DPP6: variants seen among roughly 807,000 people sequenced by gnomAD.
DPP6 encodes the protein A-type potassium channel modulatory protein DPP6.
A neutral mutation model predicts 122.6 loss-of-function variants in DPP6; 69 were observed. The ratio of observed to expected loss-of-function variants is 0.56; its 90% CI spans 0.46 to 0.69. The LOEUF is 0.69. DPP6 is among the 30% of genes least tolerant of loss of function. The pLI is 0.00. For missense variants in DPP6, 928 were observed against 1,116.9 expected (o/e 0.83, Z 2.41); for synonymous variants, 418 against 433.1 (o/e 0.97, Z 0.43).
intron 1 of DPP6, among the ~76,000 whole-genome samples, chr7:153,904,781 C>A (rs1480362751): frequency 6.6e-6 from 1 of 152,222 alleles, no homozygotes; most frequent in Non-Finnish European, 1.5e-5. Context: ...TCTGCAAAAA[C>A]ATTGTAAGGG....
At chr7:153,874,041 C>A in the DPP6 span, among the ~76,000 whole-genome samples, 3 of 152,296 alleles carry the variant, frequency 2.0e-5, no homozygotes, top group East Asian at 3.9e-4. Context: ...AAGATGTTAA[C>A]CCTTGTCTAA....
chr7:153,964,806 C>T (rs1442259520), intron 1 of DPP6, among the ~76,000 whole-genome samples: 183 of 49,004 alleles, frequency 3.7e-3, no homozygotes, highest in African/African-American at 0.025. Context: ...CCTTTCCTTT[C>T]CTTTCCTTTC....
intron 1 of DPP6, 80 bp downstream of exon 1, chr7:154,053,143 T>G (rs1041632331): frequency 1.1e-6 from 1 of 869,896 alleles, no homozygotes; most frequent in Non-Finnish European, 1.4e-6. Context: ...CAGGGGAAAT[T>G]TTTTTTGGGG....
chr7:154,434,437 G>A lies in DPP6; in HGVS notation c.244-11777G>A, dbSNP rs569097150. ...GTCCAGACTGCTGGACTCTTCAGCC[G>A]CCGCTTCACCCTTCCCTCTCTGCTT... On this transcript the variant is annotated intron_variant, in intron 1 of 25. Transcript: ENST00000377770. Among the ~76,000 whole-genome samples, 12 of 152,132 alleles carry A rather than the reference G, an allele frequency of 7.9e-5. No homozygotes were observed. In the East Asian group the frequency reaches 1.9e-3, roughly 25 times the overall value.
intron 10 of DPP6, among the ~76,000 whole-genome samples, 183 bp downstream of exon 10, chr7:154,773,125 A>G (rs919352583): frequency 2.0e-5 from 3 of 152,228 alleles, no homozygotes; most frequent in South Asian, 2.1e-4. Context: ...AATACCATTC[A>G]CCAAGTACTA....
At chr7:154,599,572 A>G (rs1833304476) in intron 5 of DPP6, among the ~76,000 whole-genome samples, 1 of 151,914 alleles carries the variant, frequency 6.6e-6, no homozygotes, top group Non-Finnish European at 1.5e-5. Context: ...CAGGTTTGTT[A>G]CATATGTATA....
At chr7:154,247,932 A>G (rs187430788) in intron 1 of DPP6, among the ~76,000 whole-genome samples, 5 of 152,204 alleles carry the variant, frequency 3.3e-5, no homozygotes, top group Non-Finnish European at 2.9e-5. Context: ...TTGGGCTGCT[A>G]TATAACAAAG....
intron 2 of DPP6, among the ~76,000 whole-genome samples, chr7:154,463,153 A>T (rs1821440309): frequency 6.7e-6 from 1 of 149,012 alleles, no homozygotes. Flanking sequence ...GCTGGTACCT[A>T]AGTTGCAACA....
chr7:153,931,076 C>T (rs1018778320), intron 1 of DPP6, among the ~76,000 whole-genome samples: 8 of 152,116 alleles, frequency 5.3e-5, no homozygotes, highest in Admixed American at 3.9e-4. Context: ...TAGGAAATGA[C>T]GCTCACTGGG....
intron 8 of DPP6, among the ~76,000 whole-genome samples, chr7:154,753,371 C>T (rs905208078): frequency 3.3e-5 from 5 of 152,236 alleles, no homozygotes; most frequent in South Asian, 2.1e-4. Flanking sequence ...GGGTGTGTGA[C>T]GAGGCCCACA....
intron 1 of DPP6, among the ~76,000 whole-genome samples, chr7:154,119,394 T>G (rs1437714037): frequency 6.6e-6 from 1 of 152,018 alleles, no homozygotes; most frequent in African/African-American, 2.4e-5. Context: ...AGCAACCACT[T>G]CAATTTGGCA....
intron 7 of DPP6, among the ~76,000 whole-genome samples, chr7:154,692,257 C>G (rs920526687): frequency 3.3e-5 from 5 of 152,120 alleles, no homozygotes; most frequent in Non-Finnish European, 7.4e-5. Context: ...CAAGACAAGC[C>G]TATTAGCTTT....
the DPP6 span, among the ~76,000 whole-genome samples, chr7:153,847,061 T>A: frequency 6.6e-6 from 1 of 152,236 alleles, no homozygotes; most frequent in Non-Finnish European, 1.5e-5. Flanking sequence ...TATCTTCAAG[T>A]CTATAGACTA....
intron 20 of DPP6, among the ~76,000 whole-genome samples, chr7:154,878,538 G>A (rs1805078053): frequency 6.6e-6 from 1 of 152,222 alleles, no homozygotes; most frequent in African/African-American, 2.4e-5. Flanking sequence ...TCATCAGAAA[G>A]AAATAGCCCA....
At chr7:154,057,277 G>A (rs1213637733) in intron 1 of DPP6, among the ~76,000 whole-genome samples, 1 of 150,816 alleles carries the variant, frequency 6.6e-6, no homozygotes, top group Non-Finnish European at 1.5e-5. Flanking sequence ...CCCATTTCGT[G>A]GTGGTTGAGA....
intron 1 of DPP6, among the ~76,000 whole-genome samples, chr7:153,992,546 G>A (rs947233336): frequency 2.6e-5 from 4 of 152,002 alleles, no homozygotes; most frequent in Non-Finnish European, 4.4e-5. Flanking sequence ...CAGTCCCCTG[G>A]TGTGCCCCAC....
chr7:154,169,791 C>T (rs1487313361), intron 1 of DPP6, among the ~76,000 whole-genome samples: 2 of 152,038 alleles, frequency 1.3e-5, no homozygotes, highest in African/African-American at 2.4e-5. Flanking sequence ...AGTACAGTGG[C>T]GAGATCTTGG....
chr7:154,301,059 T>G (rs1805868568), intron 1 of DPP6, among the ~76,000 whole-genome samples: 1 of 152,226 alleles, frequency 6.6e-6, no homozygotes, highest in Non-Finnish European at 1.5e-5. Flanking sequence ...CTGCTGTGAC[T>G]TACTTGCTCT....
chr7:154,357,956 A>G (rs981939316), intron 1 of DPP6, among the ~76,000 whole-genome samples: 15 of 151,938 alleles, frequency 9.9e-5, no homozygotes, highest in South Asian at 2.1e-4. Flanking sequence ...CAAAAAAAAA[A>G]AAAAGAAAAG....
Sources: gnomAD v4.1 joint callset for allele counts (sites outside exome capture counted in the v4.1 genomes callset) on GRCh38, gnomAD v4.1.1 for gene constraint, MANE v1.5 for transcripts, NCBI Gene and HGNC (gene_info 2026-07-23, HGNC 2026-07-21) for gene names.